Variants in BANP observed in about 807,000 individuals in gnomAD.
BANP encodes the protein BTG3 associated nuclear protein, also known as protein BANP.
A neutral mutation model predicts 68.1 loss-of-function variants in BANP; 11 were observed. That is an observed-to-expected ratio of 0.16 (90% CI 0.10 to 0.27). The LOEUF is 0.27. Among genes scored for constraint, BANP ranks in the 10% least tolerant of loss-of-function variants. The pLI is 1.00. For synonymous variants in BANP, 329 were observed against 303.2 expected (o/e 1.09, Z -0.88); for missense variants, 504 against 722.7 (o/e 0.70, Z 3.47).
rs186449301 is a variant in BANP, at chr16:87,977,652, T to C, written c.70+2467T>C. Among the ~76,000 whole-genome samples, 182 of 152,360 alleles carry C rather than the reference T, an allele frequency of 1.2e-3. 1 individual carries two copies. The highest frequency in any genetic ancestry group is 4.0e-3 in the African/African-American group (167 of 41,588). ...AAATAAAAATTTCCCATAATTCTAC[T>C]GGTTGTAGCAGCTTTTAAATTGTTG... On this transcript the variant is annotated intron_variant, in intron 2 of 13. Transcript: ENST00000682872.
intron 7 of BANP, among the ~76,000 whole-genome samples, chr16:88,019,107 C>T (rs1407498141): frequency 2.0e-5 from 3 of 152,182 alleles, no homozygotes; most frequent in Admixed American, 2.0e-4. Context: ...AGCAGCCGTG[C>T]CAGGGCCTCA....
intron 11 of BANP, among the ~76,000 whole-genome samples, chr16:88,050,542 C>G (rs1229433187): frequency 6.6e-6 from 1 of 152,192 alleles, no homozygotes; most frequent in Admixed American, 6.5e-5. Flanking sequence ...CTGCCAGCGG[C>G]CTAAGTGGCG....
chr16:88,075,136 A>C (rs1270825583), intron 13 of BANP, among the ~76,000 whole-genome samples: 1 of 152,168 alleles, frequency 6.6e-6, no homozygotes, highest in East Asian at 1.9e-4. Flanking sequence ...ACCTGAGGTC[A>C]GGAGTTCGAG....
At chr16:87,970,737 C>T (rs548190130) in intron 1 of BANP, among the ~76,000 whole-genome samples, 2 of 152,092 alleles carry the variant, frequency 1.3e-5, no homozygotes, top group African/African-American at 2.4e-5. Flanking sequence ...AGAACTCTAC[C>T]GGCCGGGCGC....
At chr16:87,959,874 A>G (rs940757503) in intron 1 of BANP, 2 of 152,842 alleles carry the variant, frequency 1.3e-5, no homozygotes, top group African/African-American at 4.8e-5. Context: ...TCCTGGTAGT[A>G]TTCTTGGGGA....
At chr16:88,051,153 C>T (rs1038690680) in intron 11 of BANP, among the ~76,000 whole-genome samples, 3 of 152,174 alleles carry the variant, frequency 2.0e-5, no homozygotes, top group Admixed American at 6.5e-5. Flanking sequence ...TGGCGGGCCT[C>T]GCAGCATGAG....
Position 87,967,622 on chromosome 16 carries a change from ATTT to A in BANP, c.-68-7411_-68-7409del, listed in dbSNP as rs375783410. Among the ~76,000 whole-genome samples, 4 of 120,560 alleles carry A rather than the reference ATTT, an allele frequency of 3.3e-5. No individual in the cohort carries two copies. The South Asian group carries it at 1.0e-3, about 31-fold the overall frequency. The allele number at this position is 120,560 out of a possible 152,430, so 79.1% of individuals were successfully genotyped here. A position where few individuals can be genotyped will look rare whatever the true frequency, so the allele number is the denominator to read the frequency against. On this transcript the variant is annotated intron_variant, in intron 1 of 13. Coordinates refer to ENST00000682872, the MANE Select transcript of BANP (RefSeq NM_001386991.1). ...AGGCATGCCCCACCACACCCAGTTA[ATTT>A]TTTTTTTTTTTTTTGAGATGGAGTC...
intron 6 of BANP, among the ~76,000 whole-genome samples, chr16:88,008,925 ATC>A (rs2072134847): frequency 6.6e-6 from 1 of 152,172 alleles, no homozygotes; most frequent in South Asian, 2.1e-4. Context: ...TTTGTAATAA[ATC>A]TGTTTCACTG....
In BANP at chr16:88,027,495, A is replaced by G. The variant is rs2077239497; in HGVS notation, c.908A>G (p.Tyr303Cys). 1.2e-6 allele frequency: 2 copies of G among 1,613,624 alleles called. No homozygotes were observed. The highest frequency in any genetic ancestry group is 1.1e-5 in the South Asian group (1 of 91,078). Residue 303 changes from tyrosine (Y) to cysteine (C), a missense_variant, in exon 8 of 14, where the codon TAT (tyrosine) becomes TGT (cysteine). By Grantham distance (194) the Tyr-to-Cys change is radical. Transcript: ENST00000682872. ...TGTGTCCTTCCAGGTCACCTTTTCT[A>G]TAAATTTGGCATCACAGAATCCGAC... Reference protein sequence around the residue: ...TIYGIRCHLFYKFGITESDWY... With the variant: ...TIYGIRCHLFCKFGITESDWY...
At chr16:87,955,999 C>T (rs2057974799) in intron 1 of BANP, among the ~76,000 whole-genome samples, 1 of 152,170 alleles carries the variant, frequency 6.6e-6, no homozygotes, top group Non-Finnish European at 1.5e-5. Context: ...CACGGAAGGC[C>T]TTCCCACAAC....
rs1231722080 is a variant in BANP, at chr16:88,064,178, T to G, written c.1312-1089T>G. 9.8e-6 allele frequency among the ~76,000 whole-genome samples: 1 copy of G among 102,308 alleles called. No homozygotes were observed. Among genetic ancestry groups the G allele is most frequent in the Non-Finnish European group, 2.1e-5 (1 of 48,652 alleles). The allele number at this position is 102,308 out of a possible 152,430, so 67.1% of individuals were successfully genotyped here. A position where few individuals can be genotyped will look rare whatever the true frequency, so the allele number is the denominator to read the frequency against. Reference sequence around the variant, plus strand: ...CAGAGCACGAGGCTGGGGCAGGAGGTGTCGGGGGCTTGAGAGGCGCAGGGG... The same window carrying G: ...CAGAGCACGAGGCTGGGGCAGGAGGGGTCGGGGGCTTGAGAGGCGCAGGGG... On this transcript the variant is annotated intron_variant, in intron 11 of 13. Transcript: ENST00000682872. The surrounding 1 kb of genome is among the most constrained non-coding windows in gnomAD (Gnocchi z 4.5).
chr16:88,041,588 T>A (rs934726640), intron 11 of BANP, among the ~76,000 whole-genome samples: 1 of 152,224 alleles, frequency 6.6e-6, no homozygotes, highest in Non-Finnish European at 1.5e-5. Flanking sequence ...GAATGCCCTG[T>A]CTCACGCTCT....
chr16:87,957,932 G>T lies in BANP; in HGVS notation c.-69+6417G>T, dbSNP rs1364159265. Among the ~76,000 whole-genome samples the T allele has an allele frequency of 6.6e-6, 1 of 151,936 alleles. No individual in the cohort carries two copies. The highest frequency in any genetic ancestry group is 1.5e-5 in the Non-Finnish European group (1 of 67,978). Reference sequence around the variant, plus strand: ...TCAGCTCTTGTGTCGGTGGGAGCTGGCGGTGGGTCCCTGAGCAGAGTGCTG... The same window carrying T: ...TCAGCTCTTGTGTCGGTGGGAGCTGTCGGTGGGTCCCTGAGCAGAGTGCTG... On this transcript the variant is annotated intron_variant, in intron 1 of 13. Transcript: ENST00000682872. The surrounding 1 kb of genome is among the most constrained non-coding windows in gnomAD (Gnocchi z 4.3).
intron 1 of BANP, among the ~76,000 whole-genome samples, chr16:87,960,437 G>T (rs188180530): frequency 6.6e-6 from 1 of 152,232 alleles, no homozygotes; most frequent in African/African-American, 2.4e-5. Flanking sequence ...GGGGCACATC[G>T]TGTATTGGCA....
chr16:88,072,171 G>A lies in BANP; in HGVS notation c.1480G>A (p.Val494Met), dbSNP rs753554190. 4.3e-6 allele frequency: 7 copies of A among 1,611,288 alleles called. No homozygotes were observed. The highest frequency in any genetic ancestry group is 1.8e-4 in the Middle Eastern group (1 of 5,580). ...LQGSDIQVQYVQLAPVSDHTA... is the reference protein window; with the variant it reads ...LQGSDIQVQYMQLAPVSDHTA... ...GGGCAGCGACATCCAGGTTCAGTACGTGCAGCTGGCGCCAGTGAGTGACCA... is the reference window on the plus strand; with the variant it reads ...GGGCAGCGACATCCAGGTTCAGTACATGCAGCTGGCGCCAGTGAGTGACCA... The change falls in exon 13 of 14, where the codon GTG becomes ATG. Residue 494 changes from valine to methionine, a missense_variant. By Grantham distance (21) the Val-to-Met change is conservative (BLOSUM62 1). This residue lies in a region of BANP where 223 missense variants were observed against 246.2 expected (regional missense o/e 0.91). Transcript: ENST00000682872.
At chr16:88,048,648 G>T (rs2082548529) in intron 11 of BANP, among the ~76,000 whole-genome samples, 1 of 151,584 alleles carries the variant, frequency 6.6e-6, no homozygotes, top group Non-Finnish European at 1.5e-5. Context: ...AAAGGAGGTG[G>T]ATTCTAACAG....
At chr16:87,967,917 G>A (rs930315611) in intron 1 of BANP, among the ~76,000 whole-genome samples, 2 of 151,462 alleles carry the variant, frequency 1.3e-5, no homozygotes, top group African/African-American at 4.8e-5. Flanking sequence ...CACCGTGCCT[G>A]GCCTTTTTTT....
At chr16:88,021,581 C>T (rs1232063346) in intron 7 of BANP, among the ~76,000 whole-genome samples, 2 of 152,230 alleles carry the variant, frequency 1.3e-5, no homozygotes. Context: ...GACGGAATTG[C>T]TGAAACGTAA....
At chr16:87,966,398 C>T (rs974072611) in intron 1 of BANP, among the ~76,000 whole-genome samples, 11 of 152,228 alleles carry the variant, frequency 7.2e-5, no homozygotes, top group African/African-American at 2.7e-4. Context: ...GGACTATCCC[C>T]AGGACTTCTG....
Sources: gnomAD v4.1 joint callset for allele counts (sites outside exome capture counted in the v4.1 genomes callset) on GRCh38, gnomAD v4.1.1 for gene constraint, gnomAD v4.1.1 regional missense constraint, Gnocchi (gnomAD v3.1) non-coding constraint, MANE v1.5 for transcripts, NCBI Gene and HGNC (gene_info 2026-07-23, HGNC 2026-07-21) for gene names.